ERBB2: variants seen among roughly 807,000 people sequenced by gnomAD.
ERBB2 encodes erb-b2 receptor tyrosine kinase 2.
Under a neutral mutation model 149.0 loss-of-function variants are expected in ERBB2, and 61 were observed. The ratio of observed to expected loss-of-function variants is 0.41; its 90% CI spans 0.33 to 0.51. The LOEUF is 0.51. Among genes scored for constraint, ERBB2 ranks in the 20% least tolerant of loss-of-function variants. The probability of loss-of-function intolerance (pLI) is 0.25; values close to 1 mark genes in which losing one functional copy is unlikely to be tolerated. For missense variants in ERBB2, 1,205 were observed against 1,655.1 expected (o/e 0.73, Z 4.72); for synonymous variants, 633 against 678.8 (o/e 0.93, Z 1.05).
chr17:39,708,098 A>G, intron 2 of ERBB2: 1 of 482,648 alleles, frequency 2.1e-6, no homozygotes, highest in Non-Finnish European at 3.7e-6. Context: ...TTCGGAGTTT[A>G]TGAAATGCCC....
chr17:39,719,651 C>T, intron 15 of ERBB2, 136 bp from the exon 16 acceptor site: 1 of 858,152 alleles, frequency 1.2e-6, no homozygotes, highest in Non-Finnish European at 2.0e-6. Context: ...CACTGACGGC[C>T]TTGAGCCCAG....
chr17:39,711,878 T>A (rs2058818391), intron 7 of ERBB2, 50 bp from the exon 8 acceptor site: 4 of 1,611,694 alleles, frequency 2.5e-6, no homozygotes, highest in Non-Finnish European at 3.4e-6. Context: ...CTGCTCATGG[T>A]GGTGCACGAA....
chr17:39,727,705 A>G lies in ERBB2; in HGVS notation c.3429A>G (p.Pro1143=), dbSNP rs769929665. 6 of 1,555,598 alleles carry G rather than the reference A, an allele frequency of 3.9e-6. No homozygotes were observed. The highest frequency in any genetic ancestry group is 5.2e-6 in the Non-Finnish European group (6 of 1,151,476). The change falls in exon 27 of 27, where the codon CCA becomes CCG. Residue 1143 remains proline (P), a synonymous_variant. Transcript: ENST00000269571. This position sits in a 1 kb window ranked among gnomAD's most constrained non-coding sequence, Gnocchi z 4.3. ...CSPQPEYVNQ[P]DVRPQPPSPR... The stretch of plus-strand genomic sequence containing the variant: ...ACCTTTCAGAATATGTGAACCAGCC[A>G]GATGTTCGGCCCCAGCCCCCTTCGC...
rs2143134584 is a variant in ERBB2, at chr17:39,726,592, G to A, written c.2903G>A (p.Arg968Lys). Residue 968 changes from arginine (R) to lysine (K), a missense_variant, in exon 24 of 27, where the codon AGA (arginine) becomes AAA (lysine). Transcript: ENST00000269571. The surrounding 1 kb of genome is among the most constrained non-coding windows in gnomAD (Gnocchi z 5.1). ...CWMIDSECRP[R>K]FRELVSEFSR... Reference sequence around the variant, plus strand: ...ATGATTGACTCTGAATGTCGGCCAAGATTCCGGGAGTTGGTGTCTGAATTC... The same window carrying A: ...ATGATTGACTCTGAATGTCGGCCAAAATTCCGGGAGTTGGTGTCTGAATTC... The A allele has an allele frequency of 1.2e-6, 2 of 1,614,170 alleles. No homozygotes were observed. The highest frequency in any genetic ancestry group is 1.7e-6 in the Non-Finnish European group (2 of 1,180,006).
At chr17:39,709,220 TA>T in intron 3 of ERBB2, 97 bp from the exon 4 acceptor site, 1 of 1,450,294 alleles carries the variant, frequency 6.9e-7, no homozygotes, top group Non-Finnish European at 9.5e-7. Context: ...GGGGGTTGTT[TA>T]AAAGGCCTGC....
intron 2 of ERBB2, among the ~76,000 whole-genome samples, chr17:39,689,795 C>T (rs979566239): frequency 2.0e-5 from 3 of 151,670 alleles, no homozygotes; most frequent in African/African-American, 7.3e-5. Flanking sequence ...ATCCCAGCTA[C>T]TCAGGAGGCT....
chr17:39,725,913 C>T lies in ERBB2; in HGVS notation c.2872+60C>T, dbSNP rs2143088869. 6.3e-7 allele frequency: 1 copy of T among 1,579,156 alleles called. No individual in the cohort carries two copies. The highest frequency in any genetic ancestry group is 8.6e-7 in the Non-Finnish European group (1 of 1,157,286). ...GGGTGGGAGGTCCTGGGTGGAGGAG[C>T]CCACAAGGGGCATGAAAGGGGACCA... On this transcript the variant is annotated intron_variant, in intron 23 of 26. Transcript: ENST00000269571. This position sits in a 1 kb window ranked among gnomAD's most constrained non-coding sequence, Gnocchi z 4.6.
At position 39,727,376 on chromosome 17, in the gene ERBB2, G is replaced by C. The variant is rs772604432; in HGVS notation, c.3241G>C (p.Ala1081Pro). The C allele has an allele frequency of 6.8e-6, 11 of 1,610,880 alleles. No individual in the cohort carries two copies. Among genetic ancestry groups the C allele is most frequent in the Non-Finnish European group, 9.3e-6 (11 of 1,178,958 alleles). Residue 1081 changes from alanine to proline, a missense_variant, in exon 26 of 27, where the codon GCT becomes CCT. By Grantham distance (27) the Ala-to-Pro change is conservative. This residue lies in a region of ERBB2 where 312 missense variants were observed against 343.8 expected (regional missense o/e 0.91). Transcript: ENST00000269571. The surrounding 1 kb of genome is among the most constrained non-coding windows in gnomAD (Gnocchi z 4.3). ...GTCTCCACTGGCACCCTCCGAAGGG[G>C]CTGGCTCCGATGTATTTGATGGTGA... ...PRSPLAPSEG[A>P]GSDVFDGDLG...
At chr17:39,719,571 G>A (rs1164573859) in intron 15 of ERBB2, among the ~76,000 whole-genome samples, 1 of 152,238 alleles carries the variant, frequency 6.6e-6, no homozygotes, top group African/African-American at 2.4e-5. Flanking sequence ...ACCACAAGGA[G>A]CTGCAGGGGA....
Position 39,709,843 on chromosome 17 carries a change from C to T in ERBB2, c.605C>T (p.Ser202Phe), listed in dbSNP as rs1426154971. 10 of 1,613,388 alleles carry T rather than the reference C, an allele frequency of 6.2e-6. No homozygotes were observed. The highest frequency in any genetic ancestry group is 5.0e-5 in the Admixed American group (3 of 60,002). ...CHPCSPMCKG[S>F]RCWGESSEDC... Reference sequence around the variant, plus strand: ...CCCTGTTCTCCGATGTGTAAGGGCTCCCGCTGCTGGGGAGAGAGTTCTGAG... The same window carrying T: ...CCCTGTTCTCCGATGTGTAAGGGCTTCCGCTGCTGGGGAGAGAGTTCTGAG... Residue 202 changes from serine (S) to phenylalanine (F), a missense_variant, in exon 5 of 27, where the codon TCC becomes TTC. Transcript: ENST00000269571.
In ERBB2 at chr17:39,721,123, T is replaced by A. The variant is rs11650420; in HGVS notation, c.1946+1289T>A. ...CACCACGCCTGGGTAATTTAAAAAA[T>A]TTTTTTTGTATAGACAGGGTCTCAC... On this transcript the variant is annotated intron_variant, in intron 16 of 26. Transcript: ENST00000269571. 2.2e-3 allele frequency among the ~76,000 whole-genome samples: 341 copies of A among 151,966 alleles called. 2 individuals carry two copies. Among genetic ancestry groups the A allele is most frequent in the African/African-American group, 7.5e-3 (312 of 41,424 alleles).
intron 9 of ERBB2, among the ~76,000 whole-genome samples, chr17:39,712,869 T>C (rs1029419423): frequency 6.6e-6 from 1 of 152,148 alleles, no homozygotes; most frequent in Non-Finnish European, 1.5e-5. Context: ...AAACATTACA[T>C]TGAGCAAAAG....
intron 1 of ERBB2, 113 bp downstream of exon 1, chr17:39,700,424 C>G (rs2058024285): frequency 1.1e-6 from 1 of 920,638 alleles, no homozygotes; most frequent in Admixed American, 4.3e-5. Flanking sequence ...CTCTCCTATC[C>G]CGAAGTTGTG....
At chr17:39,714,501 C>T (rs2059003193) in intron 9 of ERBB2, among the ~76,000 whole-genome samples, 1 of 152,192 alleles carries the variant, frequency 6.6e-6, no homozygotes, top group Admixed American at 6.5e-5. Context: ...GTTATACCAC[C>T]ATGCCTGGCC....
At chr17:39,712,942 C>G (rs1394065736) in intron 9 of ERBB2, among the ~76,000 whole-genome samples, 1 of 152,140 alleles carries the variant, frequency 6.6e-6, no homozygotes, top group African/African-American at 2.4e-5. Flanking sequence ...ACCGAAAAAA[C>G]CACTCTGTGG....
At chr17:39,702,832 G>A (rs1366030265) in intron 1 of ERBB2, among the ~76,000 whole-genome samples, 1 of 152,230 alleles carries the variant, frequency 6.6e-6, no homozygotes, top group Non-Finnish European at 1.5e-5. Flanking sequence ...GAAGTTCAGA[G>A]AAATGAAGCA....
upstream of ERBB2, chr17:39,693,331 T>C (rs1174003639): frequency 2.0e-5 from 3 of 152,288 alleles, no homozygotes; most frequent in Admixed American, 1.3e-4. Flanking sequence ...GAATGGTAAA[T>C]ATGTTTTTTC....
chr17:39,709,509 A>C (rs1761878718), intron 4 of ERBB2, 57 bp downstream of exon 4: 1 of 1,600,494 alleles, frequency 6.2e-7, no homozygotes, highest in Non-Finnish European at 8.5e-7. Flanking sequence ...CCCAGCCGCA[A>C]ACTCCCAACT....
chr17:39,724,195 T>C (rs1030798691), intron 19 of ERBB2, among the ~76,000 whole-genome samples, 185 bp downstream of exon 19: 1 of 151,014 alleles, frequency 6.6e-6, no homozygotes, highest in Admixed American at 6.6e-5. Context: ...CTCGGCTCAC[T>C]GCAACCTCCA....
Sources: gnomAD v4.1 joint callset for allele counts (sites outside exome capture counted in the v4.1 genomes callset) on GRCh38, gnomAD v4.1.1 for gene constraint, gnomAD v4.1.1 regional missense constraint, Gnocchi (gnomAD v3.1) non-coding constraint, MANE v1.5 for transcripts, NCBI Gene and HGNC (gene_info 2026-07-23, HGNC 2026-07-21) for gene names.